The following OSBPL10 variants were observed in gnomAD, a reference collection of about 807,000 sequenced individuals.
OSBPL10 encodes oxysterol-binding protein-related protein 10.
Under a neutral mutation model 81.7 loss-of-function variants are expected in OSBPL10, and 49 were observed. That is an observed-to-expected ratio of 0.60 (90% CI 0.48 to 0.76). The LOEUF (loss-of-function observed/expected upper bound fraction) is 0.76, where lower values mean the gene tolerates loss of function less well. Among genes scored for constraint, OSBPL10 ranks in the 30% least tolerant of loss-of-function variants. OSBPL10 has a pLI of 0.00. For synonymous variants in OSBPL10, 419 were observed against 383.6 expected (o/e 1.09, Z -1.08); for missense variants, 923 against 987.8 (o/e 0.93, Z 0.88).
intron 3 of OSBPL10, among the ~76,000 whole-genome samples, chr3:31,838,619 C>T (rs914585093): frequency 1.3e-5 from 2 of 151,298 alleles, no homozygotes; most frequent in African/African-American, 2.4e-5. Flanking sequence ...TGAGGATTCA[C>T]AGCCTCACTT....
intron 3 of OSBPL10, among the ~76,000 whole-genome samples, chr3:31,832,945 G>A (rs1283665922): frequency 6.6e-6 from 1 of 152,220 alleles, no homozygotes; most frequent in Admixed American, 6.5e-5. Flanking sequence ...TGGGGCGAGA[G>A]CCAGGGTAGA....
At chr3:31,836,687 C>G (rs1012173647) in intron 3 of OSBPL10, among the ~76,000 whole-genome samples, 1 of 152,112 alleles carries the variant, frequency 6.6e-6, no homozygotes, top group Non-Finnish European at 1.5e-5. Flanking sequence ...ACCCCCTTAT[C>G]GCACACCACC....
chr3:31,920,411 G>C (rs888811843), intron 1 of OSBPL10, among the ~76,000 whole-genome samples: 1 of 152,212 alleles, frequency 6.6e-6, no homozygotes, highest in Non-Finnish European at 1.5e-5. Context: ...CTTACTGAAG[G>C]AGGTAGGAGA....
At chr3:31,731,914 A>AGAT (rs1038985241) in intron 6 of OSBPL10, among the ~76,000 whole-genome samples, 1 of 152,208 alleles carries the variant, frequency 6.6e-6, no homozygotes, top group African/African-American at 2.4e-5. Flanking sequence ...CTTGGGGGTC[A>AGAT]GAGGGAACAC....
chr3:31,661,037 T>G lies in OSBPL10; in HGVS notation c.*1035A>C, dbSNP rs1700063573. The G allele has an allele frequency of 6.6e-6, 1 of 152,664 alleles. No individual in the cohort carries two copies. Among genetic ancestry groups the G allele is most frequent in the Admixed American group, 6.5e-5 (1 of 15,286 alleles). The allele number at this position is 152,664 out of a possible 1,614,324, so 9.5% of individuals were successfully genotyped here. On this transcript the variant is annotated 3_prime_UTR_variant, in exon 12 of 12. Transcript: ENST00000396556. ...TTTCCTTGCTTTGTATTTTCGTCAC[T>G]CCTTTGACCTCATGTGTAAAGGCTA...
At chr3:31,787,787 C>T (rs563903628) in intron 4 of OSBPL10, among the ~76,000 whole-genome samples, 2 of 151,954 alleles carry the variant, frequency 1.3e-5, no homozygotes, top group South Asian at 2.1e-4. Flanking sequence ...AATCTACATG[C>T]CTTCTAGGTG....
intron 2 of OSBPL10, among the ~76,000 whole-genome samples, chr3:32,015,537 T>C (rs199753099): frequency 5.8e-4 from 87 of 150,246 alleles, no homozygotes; most frequent in Admixed American, 7.3e-4. Flanking sequence ...GACATAGGCA[T>C]AGGCAAGGAC....
intron 5 of OSBPL10, among the ~76,000 whole-genome samples, chr3:31,743,928 CA>C (rs1697438602): frequency 6.6e-6 from 1 of 152,194 alleles, no homozygotes; most frequent in Non-Finnish European, 1.5e-5. Context: ...AGTGTCTAAA[CA>C]AACACATTTT....
chr3:31,981,378 T>C, upstream of OSBPL10: 1 of 925,784 alleles, frequency 1.1e-6, no homozygotes, highest in Non-Finnish European at 1.4e-6. The surrounding 1 kb of genome is among the most constrained non-coding windows in gnomAD (Gnocchi z 4.5). Context: ...TGGATGCAGC[T>C]GCGGCCGCCC....
rs533521174 is a variant in OSBPL10 at position 31,946,199 on chromosome 3, C to T, written c.281+34700G>A. 2.7e-3 allele frequency among the ~76,000 whole-genome samples: 412 copies of T among 152,022 alleles called. 3 individuals are homozygous for T. Among genetic ancestry groups the T allele is most frequent in the Middle Eastern group, 6.8e-3 (2 of 294 alleles). Reference sequence around the variant, plus strand: ...TTTCACCACGTTGGCCAGCTGGTCTCGAACCCCTGATCTCAGGTGATCCAC... The same window carrying T: ...TTTCACCACGTTGGCCAGCTGGTCTTGAACCCCTGATCTCAGGTGATCCAC... On this transcript the variant is annotated intron_variant, in intron 1 of 11. Transcript: ENST00000396556.
At chr3:32,069,200 C>T (rs886732386) in intron 1 of OSBPL10, among the ~76,000 whole-genome samples, 1 of 152,164 alleles carries the variant, frequency 6.6e-6, no homozygotes, top group Non-Finnish European at 1.5e-5. Flanking sequence ...CTAACTCTGT[C>T]CTACAATTTA....
intron 1 of OSBPL10, among the ~76,000 whole-genome samples, chr3:31,887,487 A>G (rs1695767621): frequency 6.6e-6 from 1 of 152,186 alleles, no homozygotes; most frequent in Non-Finnish European, 1.5e-5. Flanking sequence ...GGAGGTATCT[A>G]CACATCTCCA....
At position 31,905,345 on chromosome 3, in the gene OSBPL10, ATTT is replaced by A. The variant is rs386396290; in HGVS notation, c.282-25518_282-25516del. Among the ~76,000 whole-genome samples the A allele has an allele frequency of 4.7e-4, 45 of 94,816 alleles. 2 individuals carry two copies. Among genetic ancestry groups the A allele is most frequent in the African/African-American group, 1.7e-3 (36 of 21,288 alleles). 62.2% of individuals were successfully genotyped at this position (94,816 alleles called of 152,430 possible). A position where few individuals can be genotyped will look rare whatever the true frequency, so the allele number is the denominator to read the frequency against. ...GAGCTCTATGTCAAGGAACCTGGTG[ATTT>A]TTTTTTTTTTTTTTTTTTTTAGACG... On this transcript the variant is annotated intron_variant, in intron 1 of 11. Transcript: ENST00000396556.
chr3:31,980,814 TACACAGAC>T, intron 1 of OSBPL10, 77 bp downstream of exon 1: 1 of 1,407,600 alleles, frequency 7.1e-7, no homozygotes, highest in South Asian at 1.6e-5. Flanking sequence ...CGCACACACA[TACACAGAC>T]ACACATACAC....
intron 5 of OSBPL10, among the ~76,000 whole-genome samples, chr3:31,742,715 C>A (rs940062461): frequency 6.6e-6 from 1 of 152,184 alleles, no homozygotes; most frequent in Admixed American, 6.5e-5. Context: ...AAGCAAATAG[C>A]AAATCAACCA....
intron 6 of OSBPL10, among the ~76,000 whole-genome samples, chr3:31,706,540 A>T (rs931322717): frequency 6.6e-6 from 1 of 152,000 alleles, no homozygotes; most frequent in Non-Finnish European, 1.5e-5. Flanking sequence ...TCTGCTTCTT[A>T]TCTAGTAAGG....
intron 3 of OSBPL10, among the ~76,000 whole-genome samples, chr3:31,831,267 A>G (rs1171923969): frequency 1.3e-5 from 2 of 152,104 alleles, no homozygotes; most frequent in African/African-American, 4.8e-5. Context: ...TTAGCCAGGC[A>G]TGGTGGCACA....
At position 32,066,298 on chromosome 3, in the gene OSBPL10, G is replaced by C. The variant is rs1189640820; in HGVS notation, n.185+11098C>G. ...CTTCAGCAATAATCCTTTCAAGTCA[G>C]TTTAGCCAGAAACCTCTTATCCTTG... is the stretch of plus-strand genomic sequence containing the variant. On this transcript the variant is annotated intron_variant and non_coding_transcript_variant, in intron 1 of 3. Transcript: ENST00000479173. Among the ~76,000 whole-genome samples the C allele has an allele frequency of 9.7e-5, 4 of 41,380 alleles. 1 individual carries two copies. The highest frequency in any genetic ancestry group is 1.8e-4 in the African/African-American group (4 of 22,832). 27.1% of individuals were successfully genotyped at this position (41,380 alleles called of 152,430 possible).
rs145097507 is a variant in OSBPL10 at position 31,740,857 on chromosome 3, T to TTATATATATATATATATATATATA, written c.940+7052_940+7053insTATATATATATATATATATATATA. 2.4e-3 allele frequency among the ~76,000 whole-genome samples: 321 copies of TTATATATATATATATATATATATA among 136,370 alleles called. 13 individuals are homozygous for TTATATATATATATATATATATATA. The highest frequency in any genetic ancestry group is 9.2e-3 in the African/African-American group (275 of 29,752). The allele number at this position is 136,370 out of a possible 152,430, so 89.5% of individuals were successfully genotyped here. A position where few individuals can be genotyped will look rare whatever the true frequency, so the allele number is the denominator to read the frequency against. On this transcript the variant is annotated intron_variant, in intron 5 of 11. Coordinates refer to ENST00000396556, the MANE Select transcript of OSBPL10 (RefSeq NM_017784.5). Reference sequence around the variant, plus strand: ...AACTTAATATGACCACTACTAGAATTTATATATATATGTCATATTTCTTCC... The same window carrying TTATATATATATATATATATATATA: ...AACTTAATATGACCACTACTAGAATTTATATATATATATATATATATATATATATATATATGTCATATTTCTTCC...
Sources: gnomAD v4.1 joint callset for allele counts (sites outside exome capture counted in the v4.1 genomes callset) on GRCh38, gnomAD v4.1.1 for gene constraint, Gnocchi (gnomAD v3.1) non-coding constraint, MANE v1.5 for transcripts, NCBI Gene and HGNC (gene_info 2026-07-23, HGNC 2026-07-21) for gene names.